CNTROB: variants seen among roughly 807,000 people sequenced by gnomAD.
CNTROB encodes centrobin.
Under a neutral mutation model 115.7 loss-of-function variants are expected in CNTROB, and 82 were observed. The ratio of observed to expected loss-of-function variants is 0.71; its 90% CI spans 0.59 to 0.85. The LOEUF (loss-of-function observed/expected upper bound fraction) is 0.85. Ranked by LOEUF, CNTROB falls within the 40% of genes least tolerant of loss-of-function variation. The pLI, the probability that CNTROB is intolerant of heterozygous loss-of-function variation, is 0.00. For missense variants in CNTROB, 1,014 were observed against 1,144.4 expected (o/e 0.89, Z 1.64); for synonymous variants, 439 against 456.4 (o/e 0.96, Z 0.49).
At position 7,943,093 on chromosome 17, in the gene CNTROB, G is replaced by A. The variant is rs973078320; in HGVS notation, c.1312-298G>A. ...TAGGATTACAGGCGTGAGCCACCGC[G>A]CCCAGCCTCAGGGTATGTTATATCA... On this transcript the variant is annotated intron_variant, in intron 9 of 18. Coordinates refer to ENST00000563694, the MANE Select transcript of CNTROB (RefSeq NM_053051.5). This position sits in a 1 kb window ranked among gnomAD's most constrained non-coding sequence, Gnocchi z 4.7. 3.9e-5 allele frequency among the ~76,000 whole-genome samples: 6 copies of A among 151,958 alleles called. No individual in the cohort carries two copies. Among genetic ancestry groups the A allele is most frequent in the Non-Finnish European group, 5.9e-5 (4 of 67,978 alleles).
At chr17:7,933,447 C>T in intron 1 of CNTROB, 98 bp downstream of exon 1, 5 of 1,252,584 alleles carry the variant, frequency 4.0e-6, no homozygotes, top group Non-Finnish European at 5.5e-6. Flanking sequence ...GAGATTTGAA[C>T]TCTTCCTGTT....
Position 7,947,740 on chromosome 17 carries a change from C to T in CNTROB, c.2145+18C>T, listed in dbSNP as rs1482631192. The T allele has an allele frequency of 4.4e-6, 7 of 1,603,014 alleles. No individual in the cohort carries two copies. Among genetic ancestry groups the T allele is most frequent in the Non-Finnish European group, 6.0e-6 (7 of 1,172,986 alleles). ...TGCACCAGGTAAGAGAGATTCCACC[C>T]AGACTAGCTCACTTTCTTCTTCCCT... On this transcript the variant is annotated intron_variant, in intron 14 of 18. Transcript: ENST00000563694.
rs774253315 is a variant in CNTROB at position 7,934,214 on chromosome 17, C to G, written c.347C>G (p.Thr116Arg). The change falls in exon 2 of 19, where the codon ACA (threonine) becomes AGA (arginine). Residue 116 changes from threonine (T) to arginine (R), a missense_variant. Thr to Arg is a moderately conservative substitution (Grantham distance 71, BLOSUM62 -1). Coordinates refer to ENST00000563694, the MANE Select transcript of CNTROB (RefSeq NM_053051.5). ...LQTMLQTSRD[T>R]AYRDPLIPGA... is the part of the protein sequence containing the mutation. ...ACCATGCTCCAAACCTCACGTGATA[C>G]AGCCTATCGTGAGTAAGCCCCTTCC... 2 of 1,613,820 alleles carry G rather than the reference C, an allele frequency of 1.2e-6. No individual in the cohort carries two copies. Among genetic ancestry groups the G allele is most frequent in the Non-Finnish European group, 8.5e-7 (1 of 1,179,728 alleles).
chr17:7,933,207 G>C lies in CNTROB; in HGVS notation c.128G>C (p.Arg43Pro). The C allele has an allele frequency of 6.2e-7, 1 of 1,614,202 alleles. No individual in the cohort carries two copies. Among genetic ancestry groups the C allele is most frequent in the Non-Finnish European group, 8.5e-7 (1 of 1,180,038 alleles). Reference protein sequence around the residue: ...EVTSQLYASLRLSRQAEATAR... With the variant: ...EVTSQLYASLPLSRQAEATAR... ...ACCTCCCAGCTCTATGCTTCTTTGCGCCTCAGCCGGCAGGCGGAGGCCACG... is the reference window on the plus strand; with the variant it reads ...ACCTCCCAGCTCTATGCTTCTTTGCCCCTCAGCCGGCAGGCGGAGGCCACG... Residue 43 changes from arginine (R) to proline (P), a missense_variant, in exon 1 of 19, where the codon CGC becomes CCC. Physicochemically the swap from Arg to Pro is moderately radical, Grantham distance 103. Coordinates refer to ENST00000563694, the MANE Select transcript of CNTROB (RefSeq NM_053051.5).
intron 3 of CNTROB, 32 bp downstream of exon 3, chr17:7,934,578 T>C (rs1972919891): frequency 6.3e-7 from 1 of 1,576,086 alleles, no homozygotes; most frequent in African/African-American, 1.3e-5. Flanking sequence ...CCTAGCTTGT[T>C]TGCTTTCTTG....
intron 4 of CNTROB, 140 bp downstream of exon 4, chr17:7,935,285 C>G (rs909979322): frequency 7.7e-7 from 1 of 1,306,084 alleles, no homozygotes; most frequent in Admixed American, 1.9e-5. Context: ...AGGCGGATCA[C>G]GAGGTCAGGA....
At position 7,939,661 on chromosome 17, in the gene CNTROB, G is replaced by A. The variant is rs769142912; in HGVS notation, c.1076G>A (p.Arg359Gln). ...ETLRAALEEERQTWAQQEHQL... is the reference protein window; with the variant it reads ...ETLRAALEEEQQTWAQQEHQL... ...CTTCGGGCTGCCCTAGAAGAAGAAC[G>A]GCAGACCTGGGCCCAGCAAGAGCAC... Residue 359 changes from arginine (R) to glutamine (Q), a missense_variant, in exon 8 of 19, where the codon CGG becomes CAG. Physicochemically the swap from Arg to Gln is conservative, Grantham distance 43 (BLOSUM62 1). Transcript: ENST00000563694. The surrounding 1 kb of genome is among the most constrained non-coding windows in gnomAD (Gnocchi z 4.4). The A allele has an allele frequency of 1.3e-5, 21 of 1,614,052 alleles. No individual in the cohort carries two copies. The highest frequency in any genetic ancestry group is 1.4e-5 in the Non-Finnish European group (16 of 1,180,022).
intron 4 of CNTROB, chr17:7,935,557 A>G (rs1973074162): frequency 5.8e-6 from 1 of 172,464 alleles, no homozygotes; most frequent in Non-Finnish European, 1.3e-5. Flanking sequence ...GAAAGCTGGG[A>G]CTTAAATGTT....
chr17:7,948,797 C>T lies in CNTROB; in HGVS notation c.2513+178C>T. The T allele has an allele frequency of 6.7e-7, 1 of 1,503,392 alleles. No individual in the cohort carries two copies. Among genetic ancestry groups the T allele is most frequent in the Non-Finnish European group, 8.9e-7 (1 of 1,125,306 alleles). 93.1% of individuals were successfully genotyped at this position (1,503,392 alleles called of 1,614,324 possible). On this transcript the variant is annotated intron_variant, in intron 17 of 18. Transcript: ENST00000563694. The surrounding 1 kb of genome is among the most constrained non-coding windows in gnomAD (Gnocchi z 4.4). ...GCCCCACACTTTTCTTTTATCTCCT[C>T]CTTTCTATTGCTTTTTTCTTCTAAA...
Position 7,933,118 on chromosome 17 carries a change from G to A in CNTROB, c.39G>A (p.Gly13=), listed in dbSNP as rs907125956. 1.9e-6 allele frequency: 3 copies of A among 1,614,036 alleles called. No homozygotes were observed. The highest frequency in any genetic ancestry group is 2.7e-5 in the African/African-American group (2 of 74,906). The part of the protein sequence containing the change: ...TSADSPSSPL[G]AEDLLSDSSE... ...CTGACAGCCCCAGTTCACCCCTCGG[G>A]GCGGAGGATCTCCTGAGTGATTCAT... Residue 13 remains glycine, a synonymous_variant, in exon 1 of 19, where the codon GGG becomes GGA. Transcript: ENST00000563694.
chr17:7,944,900 A>G lies in CNTROB; in HGVS notation c.1734+262A>G, dbSNP rs1974345557. On this transcript the variant is annotated intron_variant, in intron 12 of 18. Transcript: ENST00000563694. This position sits in a 1 kb window ranked among gnomAD's most constrained non-coding sequence, Gnocchi z 4.0. ...CTAGCTCCCTCCCAAGGGAAGTACT[A>G]AGTTCAGCTCCTAAGGCCTACATCA... is the stretch of plus-strand genomic sequence containing the variant. Among the ~76,000 whole-genome samples the G allele has an allele frequency of 6.6e-6, 1 of 152,186 alleles. No homozygotes were observed. Among genetic ancestry groups the G allele is most frequent in the Non-Finnish European group, 1.5e-5 (1 of 68,046 alleles).
chr17:7,936,620 G>T, intron 5 of CNTROB, 81 bp from the exon 6 acceptor site: 1 of 802,638 alleles, frequency 1.2e-6, no homozygotes, highest in Non-Finnish European at 2.3e-6. Context: ...GTTGGGAGAA[G>T]ATGGCTGTTG....
chr17:7,937,246 G>A lies in CNTROB; in HGVS notation c.911G>A (p.Arg304Gln), dbSNP rs772063218. ...REQESARLQQ[R>Q]ERETLEEERQ... Reference sequence around the variant, plus strand: ...CAGGAAAGTGCCAGACTGCAGCAACGGGAAAGAGAGACACTGGTGAGAAGA... The same window carrying A: ...CAGGAAAGTGCCAGACTGCAGCAACAGGAAAGAGAGACACTGGTGAGAAGA... The change falls in exon 7 of 19, where the codon CGG (arginine) becomes CAG (glutamine). Residue 304 changes from arginine to glutamine, a missense_variant. Physicochemically the swap from Arg to Gln is conservative, Grantham distance 43 (BLOSUM62 1). Transcript: ENST00000563694. 13 of 1,614,024 alleles carry A rather than the reference G, an allele frequency of 8.1e-6. No individual in the cohort carries two copies. Among genetic ancestry groups the A allele is most frequent in the South Asian group, 2.2e-5 (2 of 91,066 alleles).
chr17:7,948,830 A>G lies in CNTROB; in HGVS notation c.2513+211A>G. 6.8e-7 allele frequency: 1 copy of G among 1,462,638 alleles called. No homozygotes were observed. Among genetic ancestry groups the G allele is most frequent in the Non-Finnish European group, 9.0e-7 (1 of 1,107,278 alleles). 90.6% of individuals were successfully genotyped at this position (1,462,638 alleles called of 1,614,324 possible). A position where few individuals can be genotyped will look rare whatever the true frequency, so the allele number is the denominator to read the frequency against. ...TTGCTTTTTTCTTCTAAACAAAAAA[A>G]TCTTTTCCCCGGGTCTCTCTACCTT... is the stretch of plus-strand genomic sequence containing the variant. On this transcript the variant is annotated intron_variant, in intron 17 of 18. Coordinates refer to ENST00000563694, the MANE Select transcript of CNTROB (RefSeq NM_053051.5). The surrounding 1 kb of genome is among the most constrained non-coding windows in gnomAD (Gnocchi z 4.4).
In CNTROB at chr17:7,949,560, A is replaced by T; in HGVS notation, c.*50A>T. ...GTTCTCTCATTGTTGTTATTTTAAT[A>T]AATGCTCATTAGTCTGTATCAGAGT... On this transcript the variant is annotated 3_prime_UTR_variant, in exon 19 of 19. Coordinates refer to ENST00000563694, the MANE Select transcript of CNTROB (RefSeq NM_053051.5). 1 of 1,545,636 alleles carries T rather than the reference A, an allele frequency of 6.5e-7. No individual in the cohort carries two copies. Among genetic ancestry groups the T allele is most frequent in the Non-Finnish European group, 8.7e-7 (1 of 1,144,668 alleles).
Position 7,947,979 on chromosome 17 carries a change from G to T in CNTROB, c.2209G>T (p.Gly737Cys). 1 of 1,613,388 alleles carries T rather than the reference G, an allele frequency of 6.2e-7. No homozygotes were observed. The highest frequency in any genetic ancestry group is 8.5e-7 in the Non-Finnish European group (1 of 1,179,382). ...TGTCGACCTGTTGCCCCCTAAGTCT[G>T]GTGAGTTCCAACTCTGAAGAAGGTT... ...PSVDLLPPKS[G>C]PLTVPSWEEA... Residue 737 changes from glycine (G) to cysteine (C), a missense_variant and splice_region_variant, in exon 15 of 19, where the codon GGT becomes TGT. Transcript: ENST00000563694.
At chr17:7,932,156 T>G, upstream of CNTROB, 1 of 334,174 alleles carries the variant, frequency 3.0e-6, no homozygotes, top group South Asian at 4.1e-5. Flanking sequence ...TCTGCGAGCG[T>G]GGTCTCGCGG....
In CNTROB at chr17:7,936,355, C is replaced by G. The variant is rs376939753; in HGVS notation, c.595-11C>G. The G allele has an allele frequency of 1.0e-4, 119 of 1,161,992 alleles. No individual in the cohort carries two copies. Among genetic ancestry groups the G allele is most frequent in the Non-Finnish European group, 1.5e-4 (116 of 767,450 alleles). The allele number at this position is 1,161,992 out of a possible 1,614,324, so 72.0% of individuals were successfully genotyped here. A position where few individuals can be genotyped will look rare whatever the true frequency, so the allele number is the denominator to read the frequency against. ...ATGGGCAACACCCAGACTCCTCACC[C>G]TTTTCCCCAGCATTGTGAGCGCCAT... On this transcript the variant is annotated splice_polypyrimidine_tract_variant and intron_variant, in intron 4 of 18. Transcript: ENST00000563694.
intron 4 of CNTROB, 62 bp downstream of exon 4, chr17:7,935,207 GA>G (rs1370702050): frequency 1.5e-5 from 24 of 1,607,084 alleles, no homozygotes; most frequent in Non-Finnish European, 2.0e-5. Flanking sequence ...CCCAAGTGTT[GA>G]AAAGGGCTGA....
Sources: allele counts gnomAD v4.1 joint callset (sites outside exome capture counted in the v4.1 genomes callset), GRCh38; gene constraint gnomAD v4.1.1; non-coding constraint Gnocchi (gnomAD v3.1); transcripts MANE v1.5; gene names NCBI Gene and HGNC (gene_info 2026-07-23, HGNC 2026-07-21).